Variants in KCNU1 observed in about 807,000 individuals in gnomAD.
KCNU1 encodes the protein potassium calcium-activated channel subfamily U member 1.
Under a neutral mutation model 126.8 loss-of-function variants are expected in KCNU1, and 93 were observed. The ratio of observed to expected loss-of-function variants is 0.73; its 90% CI spans 0.62 to 0.87. The LOEUF is 0.87. Among genes scored for constraint, KCNU1 ranks in the 40% least tolerant of loss-of-function variants. The pLI is 0.00. For synonymous variants in KCNU1, 523 were observed against 494.2 expected (o/e 1.06, Z -0.77); for missense variants, 1,330 against 1,367.1 (o/e 0.97, Z 0.43).
At chr8:36,892,004 A>G (rs1321348192) in intron 19 of KCNU1, among the ~76,000 whole-genome samples, 1 of 152,040 alleles carries the variant, frequency 6.6e-6, no homozygotes, top group Admixed American at 6.6e-5. Context: ...TAATGTTTTC[A>G]TTAAATATGT....
chr8:36,811,822 C>T (rs555141710), intron 7 of KCNU1, among the ~76,000 whole-genome samples: 1 of 152,080 alleles, frequency 6.6e-6, no homozygotes, highest in African/African-American at 2.4e-5. Flanking sequence ...AACCCAGCTA[C>T]TTGGGAGGCT....
chr8:36,932,897 A>G (rs764219531), intron 25 of KCNU1, 23 bp from the exon 26 acceptor site: 31 of 1,380,320 alleles, frequency 2.2e-5, no homozygotes, highest in Non-Finnish European at 2.0e-6. Flanking sequence ...CAGCAGACAT[A>G]TTTTTGTCTC....
At chr8:36,845,059 A>G (rs1274996289) in intron 16 of KCNU1, among the ~76,000 whole-genome samples, 1 of 152,234 alleles carries the variant, frequency 6.6e-6, no homozygotes, top group Non-Finnish European at 1.5e-5. Context: ...AAATCTGGCA[A>G]TCAAAATAAG....
At chr8:36,811,368 C>A (rs1189892351) in intron 7 of KCNU1, among the ~76,000 whole-genome samples, 1 of 151,834 alleles carries the variant, frequency 6.6e-6, no homozygotes, top group Admixed American at 6.6e-5. Context: ...AAAGATAATC[C>A]AAGCAGAACA....
In KCNU1 at chr8:36,864,451, C is replaced by T. The variant is rs769877705; in HGVS notation, c.1939C>T (p.Arg647Cys). 4 of 1,612,728 alleles carry T rather than the reference C, an allele frequency of 2.5e-6. No homozygotes were observed. The highest frequency in any genetic ancestry group is 3.4e-6 in the Non-Finnish European group (4 of 1,178,902). ...MKKCLKGISS[R>C]ISGQDSPPRV... ...AAAATGTCTGAAGGGAATCTCCTCT[C>T]GTATATCAGGGCAGGATTCTCCGCC... Residue 647 changes from arginine to cysteine, a missense_variant, in exon 19 of 27, where the codon CGT becomes TGT. Around this residue, in one of 3 missense-constraint regions of KCNU1, gnomAD observed 1,054 missense variants for 1,053.9 expected, o/e 1.00. Coordinates refer to ENST00000399881, the MANE Select transcript of KCNU1 (RefSeq NM_001031836.3).
At chr8:36,812,365 G>A (rs896550720) in intron 7 of KCNU1, among the ~76,000 whole-genome samples, 1 of 133,980 alleles carries the variant, frequency 7.5e-6, no homozygotes, top group African/African-American at 3.0e-5. Context: ...GAGTGACAGA[G>A]CAAGACTCCT....
chr8:36,895,469 G>T (rs945958249), intron 19 of KCNU1, among the ~76,000 whole-genome samples: 4 of 152,036 alleles, frequency 2.6e-5, no homozygotes, highest in Non-Finnish European at 5.9e-5. Context: ...AACACTAAAT[G>T]ACTTCAAAAC....
chr8:36,855,024 C>A (rs146625048), intron 18 of KCNU1, among the ~76,000 whole-genome samples: 311 of 152,230 alleles, frequency 2.0e-3, no homozygotes, highest in African/African-American at 7.2e-3. Context: ...TGTGTTGGGG[C>A]ATGCCTTCAA....
chr8:36,864,489 A>G lies in KCNU1; in HGVS notation c.1977A>G (p.Ala659=), dbSNP rs775377118. 11 of 1,612,026 alleles carry G rather than the reference A, an allele frequency of 6.8e-6. No homozygotes were observed. The East Asian group carries it at 2.5e-4, about 36-fold the overall frequency. Reference sequence around the variant, plus strand: ...AGGATTCTCCGCCAAGGGTATCTGCAAGCACTTCGAGCATATCAAACTTCA... The same window carrying G: ...AGGATTCTCCGCCAAGGGTATCTGCGAGCACTTCGAGCATATCAAACTTCA... ...SGQDSPPRVS[A]STSSISNFTT... The change falls in exon 19 of 27, where the codon GCA becomes GCG. Residue 659 remains alanine (A), a synonymous_variant. Coordinates refer to ENST00000399881, the MANE Select transcript of KCNU1 (RefSeq NM_001031836.3).
At chr8:36,918,393 A>T (rs2211719) in intron 22 of KCNU1, among the ~76,000 whole-genome samples, 4 of 151,986 alleles carry the variant, frequency 2.6e-5, no homozygotes, top group African/African-American at 9.7e-5. Flanking sequence ...ATAAAAATAA[A>T]AAAAAAAATA....
At chr8:36,805,602 T>C (rs2130416963) in intron 4 of KCNU1, among the ~76,000 whole-genome samples, 1 of 152,266 alleles carries the variant, frequency 6.6e-6, no homozygotes, top group Non-Finnish European at 1.5e-5. Context: ...GAGTAGCAAG[T>C]CTCTGGAGAT....
intron 19 of KCNU1, among the ~76,000 whole-genome samples, chr8:36,905,094 A>G (rs886226459): frequency 2.6e-5 from 4 of 152,172 alleles, no homozygotes; most frequent in Non-Finnish European, 5.9e-5. Flanking sequence ...ACATTATGAA[A>G]CAAGCTTGTG....
chr8:36,835,163 G>A (rs1310878191), intron 12 of KCNU1, among the ~76,000 whole-genome samples: 4 of 152,058 alleles, frequency 2.6e-5, no homozygotes, highest in African/African-American at 9.7e-5. Context: ...ACTGATTATT[G>A]TTCAGATAGA....
chr8:36,913,600 A>AT lies in KCNU1; in HGVS notation c.2521+2500dup, dbSNP rs11331239. On this transcript the variant is annotated intron_variant, in intron 22 of 26. Coordinates refer to ENST00000399881, the MANE Select transcript of KCNU1 (RefSeq NM_001031836.3). ...GGCACTGTCACATCAGTGAGGTCAC[A>AT]TTTTTTTTTTTTTTTTTTTGAGACG... Among the ~76,000 whole-genome samples, 1,215 of 128,970 alleles carry AT rather than the reference A, an allele frequency of 9.4e-3. 11 individuals carry two copies. Among genetic ancestry groups the AT allele is most frequent in the East Asian group, 0.033 (147 of 4,494 alleles). The allele number at this position is 128,970 out of a possible 152,430, so 84.6% of individuals were successfully genotyped here.
intron 18 of KCNU1, among the ~76,000 whole-genome samples, chr8:36,862,159 ATAGT>A (rs1805753795): frequency 6.6e-6 from 1 of 152,194 alleles, no homozygotes; most frequent in Non-Finnish European, 1.5e-5. Context: ...TAGATTTAAA[ATAGT>A]TAGCTATAGG....
chr8:36,825,631 TA>T, intron 10 of KCNU1, among the ~76,000 whole-genome samples: 1 of 152,326 alleles, frequency 6.6e-6, no homozygotes, highest in African/African-American at 2.4e-5. Context: ...GCTTTTAGTG[TA>T]AGTGTCACCT....
intron 19 of KCNU1, among the ~76,000 whole-genome samples, chr8:36,904,468 G>A (rs542626461): frequency 1.6e-4 from 24 of 152,258 alleles, no homozygotes; most frequent in African/African-American, 5.1e-4. Context: ...AACTTCAACA[G>A]TCTATTCAAA....
intron 10 of KCNU1, among the ~76,000 whole-genome samples, chr8:36,818,374 C>T (rs1032696791): frequency 6.6e-6 from 1 of 152,016 alleles, no homozygotes; most frequent in Non-Finnish European, 1.5e-5. Flanking sequence ...TTTCTTTCAT[C>T]CTCTCCTATT....
intron 19 of KCNU1, among the ~76,000 whole-genome samples, chr8:36,903,374 T>C (rs755454204): frequency 6.6e-6 from 1 of 152,118 alleles, no homozygotes; most frequent in Non-Finnish European, 1.5e-5. Context: ...GGGGAATAGA[T>C]TGTATTTCTC....
Sources: gnomAD v4.1 joint callset for allele counts (sites outside exome capture counted in the v4.1 genomes callset) on GRCh38, gnomAD v4.1.1 for gene constraint, gnomAD v4.1.1 regional missense constraint, MANE v1.5 for transcripts, NCBI Gene and HGNC (gene_info 2026-07-23, HGNC 2026-07-21) for gene names.